Variants in AGRN observed in about 807,000 individuals in gnomAD.
AGRN encodes agrin proteoglycan.
Under a neutral mutation model 211.0 loss-of-function variants are expected in AGRN, and 106 were observed. The ratio of observed to expected loss-of-function variants is 0.50; its 90% CI spans 0.43 to 0.59. The LOEUF (loss-of-function observed/expected upper bound fraction) is 0.59, where lower values mean the gene tolerates loss of function less well. Ranked by LOEUF, AGRN falls within the 20% of genes least tolerant of loss-of-function variation. The probability of loss-of-function intolerance (pLI) is 0.00; values close to 1 mark genes in which losing one functional copy is unlikely to be tolerated. For synonymous variants in AGRN, 1,525 were observed against 1,332.5 expected (o/e 1.14, Z -3.15); for missense variants, 3,040 against 2,982.6 (o/e 1.02, Z -0.45).
chr1:1,034,280 G>A, intron 2 of AGRN: 1 of 985,442 alleles, frequency 1.0e-6, no homozygotes, highest in South Asian at 4.7e-5. Context: ...AGCAGGGGTG[G>A]CTGCGGGCTC....
chr1:1,049,443 G>A lies in AGRN; in HGVS notation c.4506G>A (p.Gln1502=), dbSNP rs911715356. Reference sequence around the variant, plus strand: ...TTGTGGGCGGCGTACCCGAGGACCAGGCTGCCGTGTGAGTCCCTTGGAGGG... The same window carrying A: ...TTGTGGGCGGCGTACCCGAGGACCAAGCTGCCGTGTGAGTCCCTTGGAGGG... ...DLFVGGVPED[Q]AAVALERTFV... Residue 1502 remains glutamine, a synonymous_variant, in exon 25 of 36, where the codon CAG becomes CAA. Coordinates refer to ENST00000379370, the MANE Select transcript of AGRN (RefSeq NM_198576.4). 6.3e-7 allele frequency: 1 copy of A among 1,599,758 alleles called. No individual in the cohort carries two copies. Among genetic ancestry groups the A allele is most frequent in the Admixed American group, 1.7e-5 (1 of 60,000 alleles).
rs371873824 is a variant in AGRN, at chr1:1,046,499, C to T, written c.3014C>T (p.Pro1005Leu). Residue 1005 changes from proline (P) to leucine (L), a missense_variant, in exon 18 of 36, where the codon CCC (proline) becomes CTC (leucine). Coordinates refer to ENST00000379370, the MANE Select transcript of AGRN (RefSeq NM_198576.4). ...CTGCCGGCCCCCCCCGGCGCCCTCCCCCTGGCTCCCAGCAGTACCGCACAC... is the reference window on the plus strand; with the variant it reads ...CTGCCGGCCCCCCCCGGCGCCCTCCTCCTGGCTCCCAGCAGTACCGCACAC... ...QALPAPPGAL[P>L]LAPSSTAHSQ... is the part of the protein sequence containing the mutation. 18 of 1,610,668 alleles carry T rather than the reference C, an allele frequency of 1.1e-5. No individual in the cohort carries two copies. The African/African-American group carries it at 2.3e-4, about 20-fold the overall frequency.
chr1:1,035,449 C>A, intron 3 of AGRN, 125 bp downstream of exon 3: 2 of 1,316,236 alleles, frequency 1.5e-6, no homozygotes, highest in Non-Finnish European at 2.2e-6. Flanking sequence ...TGGACAAGGG[C>A]ACCTGCGTCT....
In AGRN at chr1:1,051,538, C is replaced by G. The variant is rs72900459; in HGVS notation, c.5456C>G (p.Thr1819Ser). The G allele has an allele frequency of 6.4e-7, 1 of 1,567,166 alleles. No homozygotes were observed. Among genetic ancestry groups the G allele is most frequent in the African/African-American group, 1.3e-5 (1 of 74,234 alleles). The change falls in exon 32 of 36, where the codon ACC becomes AGC. Residue 1819 changes from threonine (T) to serine (S), a missense_variant. Transcript: ENST00000379370. ...DVTSFAGHPC[T>S]RASGHPCLNG... ...ACGTCCTTTGCAGGTCACCCCTGCA[C>G]CCGGGCCTCAGGCCACCCCTGCCTC...
chr1:1,043,177 G>C (rs1644992040), intron 7 of AGRN, 62 bp from the exon 8 acceptor site: 1 of 1,529,170 alleles, frequency 6.5e-7, no homozygotes, highest in Non-Finnish European at 8.9e-7. Context: ...CGTGGGGCTG[G>C]GGGCTTTGCC....
In AGRN at chr1:1,055,249, C is replaced by T. The variant is rs1051453743; in HGVS notation, c.*268C>T. 1.1e-5 allele frequency: 6 copies of T among 526,886 alleles called. No homozygotes were observed. The highest frequency in any genetic ancestry group is 1.7e-5 in the Non-Finnish European group (5 of 290,996). 32.6% of individuals were successfully genotyped at this position (526,886 alleles called of 1,614,324 possible). On this transcript the variant is annotated 3_prime_UTR_variant, in exon 36 of 36. Transcript: ENST00000379370. ...CCCCCGCCTTGCACTGCGCCTGCCC[C>T]ACGGTGTCCCCGCCGGGAAGCAGCC...
Position 1,020,124 on chromosome 1 carries a change from C to T in AGRN, c.-49C>T. The T allele has an allele frequency of 1.0e-6, 1 of 987,502 alleles. No individual in the cohort carries two copies. Among genetic ancestry groups the T allele is most frequent in the Non-Finnish European group, 1.3e-6 (1 of 753,572 alleles). The allele number at this position is 987,502 out of a possible 1,614,324, so 61.2% of individuals were successfully genotyped here. On this transcript the variant is annotated 5_prime_UTR_variant, in exon 1 of 36. Coordinates refer to ENST00000379370, the MANE Select transcript of AGRN (RefSeq NM_198576.4). ...GAGCTGCGTCCCGTCCTGTCCAGTCCCGTCCCCGGCGCGGCCCGCGCGCTC... is the reference window on the plus strand; with the variant it reads ...GAGCTGCGTCCCGTCCTGTCCAGTCTCGTCCCCGGCGCGGCCCGCGCGCTC...
Position 1,046,011 on chromosome 1 carries a change from G to T in AGRN, c.2728G>T (p.Ala910Ser). ...TGCGGAGATGCGCTGTGAGTTCGGTGCGCGGTGCGTGGAGGAGTCTGGCTC... is the reference window on the plus strand; with the variant it reads ...TGCGGAGATGCGCTGTGAGTTCGGTTCGCGGTGCGTGGAGGAGTCTGGCTC... ...TCAEMRCEFG[A>S]RCVEESGSAH... Residue 910 changes from alanine to serine, a missense_variant, in exon 16 of 36, where the codon GCG (alanine) becomes TCG (serine). Transcript: ENST00000379370. The T allele has an allele frequency of 6.2e-7, 1 of 1,614,018 alleles. No homozygotes were observed. Among genetic ancestry groups the T allele is most frequent in the Non-Finnish European group, 8.5e-7 (1 of 1,180,026 alleles).
chr1:1,027,071 G>A (rs912010282), intron 2 of AGRN, among the ~76,000 whole-genome samples: 1 of 152,168 alleles, frequency 6.6e-6, no homozygotes, highest in African/African-American at 2.4e-5. Context: ...TCTGAGGAAG[G>A]CCCCCTGCCA....
intron 2 of AGRN, among the ~76,000 whole-genome samples, chr1:1,030,260 C>CGT (rs201369042): frequency 1.8e-5 from 1 of 55,780 alleles, no homozygotes; most frequent in Non-Finnish European, 3.2e-5. Flanking sequence ...GTGAGATCAG[C>CGT]GTGTGTGTGT....
intron 3 of AGRN, 70 bp from the exon 4 acceptor site, chr1:1,040,595 G>A (rs1051670202): frequency 4.6e-6 from 7 of 1,520,472 alleles, no homozygotes; most frequent in African/African-American, 1.4e-5. Flanking sequence ...AGCACGGCAA[G>A]GTCTCTCAGG....
At chr1:1,029,102 C>T (rs951477433) in intron 2 of AGRN, among the ~76,000 whole-genome samples, 4 of 149,886 alleles carry the variant, frequency 2.7e-5, no homozygotes, top group Non-Finnish European at 5.9e-5. Context: ...GCGCCCACAG[C>T]CACGCCACCC....
rs1645281708 is a variant in AGRN at position 1,051,341 on chromosome 1, C to T, written c.5342C>T (p.Ser1781Phe). 4 of 1,568,428 alleles carry T rather than the reference C, an allele frequency of 2.6e-6. No homozygotes were observed. Among genetic ancestry groups the T allele is most frequent in the Non-Finnish European group, 3.5e-6 (4 of 1,157,700 alleles). ...FSKLARAAAV[S>F]SGFDGAIQLV... ...AAGCTGGCCCGTGCTGCTGCCGTGT[C>T]CTCTGGCTTCGACGGTGCCATCCAG... The change falls in exon 31 of 36, where the codon TCC becomes TTC. Residue 1781 changes from serine (S) to phenylalanine (F), a missense_variant. By Grantham distance (155) the Ser-to-Phe change is radical (BLOSUM62 -2). Coordinates refer to ENST00000379370, the MANE Select transcript of AGRN (RefSeq NM_198576.4).
intron 1 of AGRN, among the ~76,000 whole-genome samples, chr1:1,021,748 G>A (rs899001360): frequency 2.0e-5 from 3 of 152,252 alleles, no homozygotes; most frequent in Admixed American, 6.5e-5. Flanking sequence ...CCGAGGAAGG[G>A]GCGTCTCAGC....
rs201858483 is a variant in AGRN at position 1,047,468 on chromosome 1, G to A, written c.3516+14G>A. On this transcript the variant is annotated intron_variant, in intron 20 of 35. Transcript: ENST00000379370. ...ATTGAGAGCACCGTAAGACGGGGGC[G>A]CAGCCCCCACCTACCCACTGGCCTT... The A allele has an allele frequency of 4.1e-4, 656 of 1,612,640 alleles. 1 individual carries two copies. The African/African-American group carries it at 6.1e-3, about 15-fold the overall frequency.
In AGRN at chr1:1,044,120, T is replaced by G. The variant is rs770574780; in HGVS notation, c.2011T>G (p.Ser671Ala). 7.4e-6 allele frequency: 12 copies of G among 1,613,240 alleles called. No homozygotes were observed. Among genetic ancestry groups the G allele is most frequent in the Non-Finnish European group, 1.0e-5 (12 of 1,179,924 alleles). Residue 671 changes from serine to alanine, a missense_variant, in exon 11 of 36, where the codon TCC becomes GCC. Coordinates refer to ENST00000379370, the MANE Select transcript of AGRN (RefSeq NM_198576.4). Reference protein sequence around the residue: ...AGPCEQAECGSGGSGSGEDGD... With the variant: ...AGPCEQAECGAGGSGSGEDGD... ...CCCCTTCCCCGCAGCCGAGTGCGGT[T>G]CCGGAGGCTCTGGCTCTGGGGAGGA...
chr1:1,041,340 C>T lies in AGRN; in HGVS notation c.895C>T (p.Leu299=). ...GADYPGECQL[L]RRACARQENV... is the part of the protein sequence containing the mutation. ...CGACTACCCCGGCGAGTGCCAGCTC[C>T]TGCGCCGCGCCTGCGCCCGCCAGGA... Residue 299 remains leucine (L), a synonymous_variant, in exon 5 of 36, where the codon CTG becomes TTG. Coordinates refer to ENST00000379370, the MANE Select transcript of AGRN (RefSeq NM_198576.4). The T allele has an allele frequency of 6.5e-7, 1 of 1,529,624 alleles. No homozygotes were observed. The highest frequency in any genetic ancestry group is 8.7e-7 in the Non-Finnish European group (1 of 1,144,768). 94.8% of individuals were successfully genotyped at this position (1,529,624 alleles called of 1,614,324 possible).
intron 12 of AGRN, among the ~76,000 whole-genome samples, chr1:1,044,722 T>A (rs761168905): frequency 1.9e-4 from 29 of 152,128 alleles, no homozygotes; most frequent in Middle Eastern, 3.2e-3. Flanking sequence ...TCTGCATACG[T>A]CCATCCGGTC....
intron 14 of AGRN, 88 bp from the exon 15 acceptor site, chr1:1,045,645 A>G: frequency 1.2e-6 from 2 of 1,609,118 alleles, no homozygotes; most frequent in Non-Finnish European, 1.7e-6. Context: ...GGGGCTGGGC[A>G]GAGCCAGGGT....
Sources: gnomAD v4.1 joint callset for allele counts (sites outside exome capture counted in the v4.1 genomes callset) on GRCh38, gnomAD v4.1.1 for gene constraint, MANE v1.5 for transcripts, NCBI Gene and HGNC (gene_info 2026-07-23, HGNC 2026-07-21) for gene names.